Variants in MUC17 observed in about 807,000 individuals in gnomAD.
MUC17 encodes the protein mucin-17.
In MUC17, 190 loss-of-function variants were observed where a neutral mutation model predicts 170.3. The observed-to-expected ratio is 1.12, with a 90% confidence interval of 0.99 to 1.26. The LOEUF is 1.26. Among genes scored for constraint, MUC17 ranks in the 50% most tolerant of loss-of-function variants. MUC17 has a pLI of 0.00. For synonymous variants in MUC17, 2,325 were observed against 2,002.5 expected (o/e 1.16, Z -4.30); for missense variants, 6,415 against 5,530.0 (o/e 1.16, Z -5.08).
intron 1 of MUC17, among the ~76,000 whole-genome samples, chr7:101,024,487 C>T (rs1297681699): frequency 2.6e-5 from 4 of 151,982 alleles, no homozygotes; most frequent in South Asian, 2.1e-4. Context: ...GGGTTGTGAC[C>T]GCAACTGCTT....
rs761040717 is a variant in MUC17, at chr7:101,042,161, T to C, written c.10745T>C (p.Leu3582Pro). ...SEGSSSLTTM[L>P]LSSTYVTSSE... The stretch of plus-strand genomic sequence containing the variant: ...GGAAGCTCTTCATTAACAACTATGC[T>C]CCTCAGCAGCACATATGTGACCAGT... The change falls in exon 3 of 13, where the codon CTC (leucine) becomes CCC (proline). Residue 3582 changes from leucine to proline, a missense_variant. By Grantham distance (98) the Leu-to-Pro change is moderately conservative (BLOSUM62 -3). Coordinates refer to ENST00000306151, the MANE Select transcript of MUC17 (RefSeq NM_001040105.2). 1 of 1,612,664 alleles carries C rather than the reference T, an allele frequency of 6.2e-7. No individual in the cohort carries two copies. Among genetic ancestry groups the C allele is most frequent in the Non-Finnish European group, 8.5e-7 (1 of 1,179,680 alleles).
In MUC17 at chr7:101,036,204, C is replaced by T. The variant is rs1471701630; in HGVS notation, c.4788C>T (p.Thr1596=). Residue 1596 remains threonine (T), a synonymous_variant, in exon 3 of 13, where the codon ACC becomes ACT. Coordinates refer to ENST00000306151, the MANE Select transcript of MUC17 (RefSeq NM_001040105.2). ...CTGAGGCTAACACCCTTTCAACAAC[C>T]CCTATTGACTCCAAAACTCAGGTGA... is the stretch of plus-strand genomic sequence containing the variant. ...VSSEANTLST[T]PIDSKTQVTA... 4.3e-6 allele frequency: 7 copies of T among 1,612,734 alleles called. No homozygotes were observed. The African/African-American group carries it at 8.1e-5, about 19-fold the overall frequency.
intron 1 of MUC17, among the ~76,000 whole-genome samples, chr7:101,023,440 G>A (rs1434609743): frequency 1.3e-5 from 2 of 152,152 alleles, no homozygotes; most frequent in Non-Finnish European, 2.9e-5. Flanking sequence ...AGGCTGGAGT[G>A]CAGTGACACT....
rs1292486596 is a variant in MUC17 at position 101,032,425 on chromosome 7, A to G, written c.1009A>G (p.Thr337Ala). Reference protein sequence around the residue: ...STYTEGSTPLTSTPASTMPVA... With the variant: ...STYTEGSTPLASTPASTMPVA... ...TTATACTGAAGGAAGCACTCCATTA[A>G]CAAGTACGCCTGCCAGCACCATGCC... Residue 337 changes from threonine (T) to alanine (A), a missense_variant, in exon 3 of 13, where the codon ACA becomes GCA. Physicochemically the swap from Thr to Ala is moderately conservative, Grantham distance 58. Transcript: ENST00000306151. The G allele has an allele frequency of 6.2e-7, 1 of 1,613,780 alleles. No individual in the cohort carries two copies. The highest frequency in any genetic ancestry group is 2.2e-5 in the East Asian group (1 of 44,880).
chr7:101,024,262 T>G (rs535121372), intron 1 of MUC17, among the ~76,000 whole-genome samples: 167 of 152,040 alleles, frequency 1.1e-3, no homozygotes, highest in African/African-American at 3.8e-3. Context: ...TATCTGGGCA[T>G]GGTGTGACAA....
In MUC17 at chr7:101,050,466, C is replaced by T. The variant is rs528632911; in HGVS notation, c.12723-18C>T. 1 of 1,610,388 alleles carries T rather than the reference C, an allele frequency of 6.2e-7. No homozygotes were observed. Among genetic ancestry groups the T allele is most frequent in the East Asian group, 2.2e-5 (1 of 44,866 alleles). The stretch of plus-strand genomic sequence containing the variant: ...GCACCCTATTCTGACCCCAGGACGT[C>T]TTCCCTTCCCTCTTCAGTCTTGGCA... On this transcript the variant is annotated intron_variant, in intron 6 of 12. Transcript: ENST00000306151.
Position 101,038,888 on chromosome 7 carries a change from C to T in MUC17, c.7472C>T (p.Thr2491Ile). The change falls in exon 3 of 13, where the codon ACT becomes ATT. Residue 2491 changes from threonine (T) to isoleucine (I), a missense_variant. Coordinates refer to ENST00000306151, the MANE Select transcript of MUC17 (RefSeq NM_001040105.2). ...VDTSTPMTTS[T>I]EASSSPTTAE... ...ACCAGCACACCTATGACCACTTCTACTGAAGCCAGTTCATCTCCTACAACT... is the reference window on the plus strand; with the variant it reads ...ACCAGCACACCTATGACCACTTCTATTGAAGCCAGTTCATCTCCTACAACT... 1 of 1,614,118 alleles carries T rather than the reference C, an allele frequency of 6.2e-7. No individual in the cohort carries two copies. Among genetic ancestry groups the T allele is most frequent in the Non-Finnish European group, 8.5e-7 (1 of 1,180,006 alleles).
intron 1 of MUC17, among the ~76,000 whole-genome samples, chr7:101,025,568 G>T (rs1794165829): frequency 6.6e-6 from 1 of 152,134 alleles, no homozygotes; most frequent in South Asian, 2.1e-4. Flanking sequence ...AAGGCGGGCG[G>T]ATTGCATGAG....
chr7:101,033,309 A>T lies in MUC17; in HGVS notation c.1893A>T (p.Ile631=). The T allele has an allele frequency of 6.2e-7, 1 of 1,613,428 alleles. No individual in the cohort carries two copies. Among genetic ancestry groups the T allele is most frequent in the Non-Finnish European group, 8.5e-7 (1 of 1,179,720 alleles). The change falls in exon 3 of 13, where the codon ATA becomes ATT. Residue 631 remains isoleucine, a synonymous_variant. Transcript: ENST00000306151. ...CTTACAGTGAAAGAGGCACTACAAT[A>T]ACAAGTATGTCTGTCAGCACCACAC... ...TSTYSERGTT[I]TSMSVSTTLV...
chr7:101,031,801 T>C lies in MUC17; in HGVS notation c.385T>C (p.Phe129Leu), dbSNP rs151280870. 362 of 1,611,024 alleles carry C rather than the reference T, an allele frequency of 2.2e-4. 2 individuals carry two copies. The highest frequency in any genetic ancestry group is 1.1e-5 in the Non-Finnish European group (13 of 1,177,194). ...ATCTACCAGTGACAGCACCACACTT[T>C]TCCCCAGTTCTACTGAAGACACTTC... is the stretch of plus-strand genomic sequence containing the variant. ...SESTSDSTTL[F>L]PSSTEDTSSP... Residue 129 changes from phenylalanine (F) to leucine (L), a missense_variant, in exon 3 of 13, where the codon TTC (phenylalanine) becomes CTC (leucine). Physicochemically the swap from Phe to Leu is conservative, Grantham distance 22. Transcript: ENST00000306151.
At position 101,037,812 on chromosome 7, in the gene MUC17, T is replaced by C. The variant is rs773864569; in HGVS notation, c.6396T>C (p.Pro2132=). ...LSTTPVDSNS[P]VITSTEVSSS... The stretch of plus-strand genomic sequence containing the variant: ...CAACTCCTGTTGACTCCAACAGTCC[T>C]GTGATCACTTCTACTGAAGTCAGTT... The change falls in exon 3 of 13, where the codon CCT becomes CCC. Residue 2132 remains proline, a synonymous_variant. Transcript: ENST00000306151. The C allele has an allele frequency of 6.2e-7, 1 of 1,613,514 alleles. No homozygotes were observed. The highest frequency in any genetic ancestry group is 2.2e-5 in the East Asian group (1 of 44,856).
At chr7:101,052,947 G>A (rs781685833) in intron 9 of MUC17, 39 bp from the exon 10 acceptor site, 33 of 1,591,916 alleles carry the variant, frequency 2.1e-5, no homozygotes, top group Middle Eastern at 1.9e-4. Flanking sequence ...TGCTGACTCC[G>A]TTCTCTCTCC....
At position 101,038,282 on chromosome 7, in the gene MUC17, C is replaced by T. The variant is rs766705643; in HGVS notation, c.6866C>T (p.Thr2289Met). ...TTAACAAGTATACCTGTCAGCCACA[C>T]GCTGGTGGCCAATTCTGAGGTTAGC... is the stretch of plus-strand genomic sequence containing the variant. ...TPLTSIPVSH[T>M]LVANSEVSTL... Residue 2289 changes from threonine (T) to methionine (M), a missense_variant, in exon 3 of 13, where the codon ACG becomes ATG. Physicochemically the swap from Thr to Met is moderately conservative, Grantham distance 81. Coordinates refer to ENST00000306151, the MANE Select transcript of MUC17 (RefSeq NM_001040105.2). The T allele has an allele frequency of 9.3e-6, 15 of 1,613,510 alleles. No individual in the cohort carries two copies. The highest frequency in any genetic ancestry group is 3.3e-5 in the South Asian group (3 of 91,038).
chr7:101,051,106 C>T (rs1794933163), intron 7 of MUC17, among the ~76,000 whole-genome samples: 1 of 152,072 alleles, frequency 6.6e-6, no homozygotes, highest in African/African-American at 2.4e-5. Context: ...TGGCTCACGC[C>T]TGTAATCCCA....
Position 101,042,401 on chromosome 7 carries a change from C to T in MUC17, c.10985C>T (p.Thr3662Ile). The T allele has an allele frequency of 1.2e-6, 2 of 1,614,058 alleles. No homozygotes were observed. The highest frequency in any genetic ancestry group is 3.3e-5 in the Admixed American group (2 of 60,024). Residue 3662 changes from threonine (T) to isoleucine (I), a missense_variant, in exon 3 of 13, where the codon ACC becomes ATC. Transcript: ENST00000306151. The part of the protein sequence containing the change: ...AGTASTLPVD[T>I]STPVITSTQV... ...ACAGCTTCAACACTTCCTGTTGACA[C>T]CAGCACACCTGTGATCACTTCTACC... is the stretch of plus-strand genomic sequence containing the variant.
Position 101,038,795 on chromosome 7 carries a change from G to A in MUC17, c.7379G>A (p.Ser2460Asn), listed in dbSNP as rs1482840986. ...AGTGAAGGAACCACTCCGTTAGCAA[G>A]TATGCCTGTCAGCACCACGCCGGTG... ...PPSEGTTPLA[S>N]MPVSTTPVVS... The change falls in exon 3 of 13, where the codon AGT (serine) becomes AAT (asparagine). Residue 2460 changes from serine to asparagine, a missense_variant. By Grantham distance (46) the Ser-to-Asn change is conservative. Transcript: ENST00000306151. 2 of 1,613,392 alleles carry A rather than the reference G, an allele frequency of 1.2e-6. No homozygotes were observed. The highest frequency in any genetic ancestry group is 1.7e-6 in the Non-Finnish European group (2 of 1,179,790).
intron 1 of MUC17, among the ~76,000 whole-genome samples, chr7:101,023,467 A>C (rs1279130997): frequency 6.6e-6 from 1 of 152,080 alleles, no homozygotes; most frequent in Admixed American, 6.6e-5. Flanking sequence ...GCTCATTGCA[A>C]CCTCTGCCTC....
In MUC17 at chr7:101,031,175, C is replaced by T. The variant is rs765209007; in HGVS notation, c.138C>T (p.Asp46=). 1.1e-5 allele frequency: 18 copies of T among 1,613,724 alleles called. No individual in the cohort carries two copies. Among genetic ancestry groups the T allele is most frequent in the Middle Eastern group, 1.7e-4 (1 of 6,060 alleles). ...WDGGGCISQG[D]VLNRQCQQLS... ...GAGGAGGGTGCATCTCCCAAGGGGA[C>T]GTCTTGAACCGTCAGTGCCAGCAGC... is the stretch of plus-strand genomic sequence containing the variant. The change falls in exon 2 of 13, where the codon GAC becomes GAT. Residue 46 remains aspartate (D), a synonymous_variant. Coordinates refer to ENST00000306151, the MANE Select transcript of MUC17 (RefSeq NM_001040105.2).
chr7:101,057,500 C>T (rs1795068042), intron 12 of MUC17, among the ~76,000 whole-genome samples: 2 of 152,104 alleles, frequency 1.3e-5, no homozygotes, highest in African/African-American at 2.4e-5. Flanking sequence ...CCCAGAACTT[C>T]GTGAGGCCAA....
Sources: gnomAD v4.1 joint callset for allele counts (sites outside exome capture counted in the v4.1 genomes callset) on GRCh38, gnomAD v4.1.1 for gene constraint, MANE v1.5 for transcripts, NCBI Gene and HGNC (gene_info 2026-07-23, HGNC 2026-07-21) for gene names.